Variants in STAM2 observed in about 807,000 individuals in gnomAD.
STAM2 encodes signal transducing adaptor molecule 2, also known as signal transducing adapter molecule 2.
STAM2 carries 51 observed loss-of-function variants against 65.6 expected under a neutral mutation model. The ratio of observed to expected loss-of-function variants is 0.78; its 90% CI spans 0.62 to 0.98. The LOEUF is 0.98. Among genes scored for constraint, STAM2 ranks in the 50% least tolerant of loss-of-function variants. The probability of loss-of-function intolerance (pLI) is 0.00; values close to 1 mark genes in which losing one functional copy is unlikely to be tolerated. For missense variants in STAM2, 584 were observed against 617.8 expected (o/e 0.95, Z 0.58); for synonymous variants, 198 against 208.4 (o/e 0.95, Z 0.43).
intron 1 of STAM2, among the ~76,000 whole-genome samples, chr2:152,151,479 C>G (rs966618149): frequency 6.6e-6 from 1 of 152,156 alleles, no homozygotes; most frequent in African/African-American, 2.4e-5. Flanking sequence ...CCACCGCACC[C>G]AGCTACATGA....
At position 152,159,839 on chromosome 2, in the gene STAM2, C is replaced by G. The variant is rs1051898036; in HGVS notation, c.41-9610G>C. Among the ~76,000 whole-genome samples, 5 of 152,372 alleles carry G rather than the reference C, an allele frequency of 3.3e-5. 1 individual carries two copies. Among genetic ancestry groups the G allele is most frequent in the African/African-American group, 9.6e-5 (4 of 41,588 alleles). ...ACTGCAACCTCCCTGCCTCATTCTCCTGCCTCAGCCTGCCCAGTGCCTGCG... is the reference window on the plus strand; with the variant it reads ...ACTGCAACCTCCCTGCCTCATTCTCGTGCCTCAGCCTGCCCAGTGCCTGCG... On this transcript the variant is annotated intron_variant, in intron 1 of 13. Coordinates refer to ENST00000263904, the MANE Select transcript of STAM2 (RefSeq NM_005843.6).
chr2:152,152,005 T>C (rs949160778), intron 1 of STAM2, among the ~76,000 whole-genome samples: 2 of 152,118 alleles, frequency 1.3e-5, no homozygotes, highest in African/African-American at 4.8e-5. Flanking sequence ...AGTGGTGTGA[T>C]CACAACTCAC....
intron 1 of STAM2, among the ~76,000 whole-genome samples, chr2:152,172,196 G>C (rs1351701856): frequency 6.6e-6 from 1 of 152,072 alleles, no homozygotes; most frequent in Non-Finnish European, 1.5e-5. Flanking sequence ...ACAAAAAAAT[G>C]AATCTAGATA....
rs570397392 is a variant in STAM2, at chr2:152,165,989, G to A, written c.40+9614C>T. On this transcript the variant is annotated intron_variant, in intron 1 of 13. Coordinates refer to ENST00000263904, the MANE Select transcript of STAM2 (RefSeq NM_005843.6). ...AGGTCAAGGCGGGCGGATTACATAA[G>A]GCCAGGAGTTGCAGACCAGCCTGGC... Among the ~76,000 whole-genome samples, 103 of 152,228 alleles carry A rather than the reference G, an allele frequency of 6.8e-4. 1 individual carries two copies. In the Middle Eastern group the frequency reaches 0.014, roughly 20 times the overall value.
At chr2:152,165,259 A>G (rs1689755540) in intron 1 of STAM2, among the ~76,000 whole-genome samples, 1 of 151,342 alleles carries the variant, frequency 6.6e-6, no homozygotes, top group South Asian at 2.1e-4. Flanking sequence ...CCTCGTCTCT[A>G]TTAAAAAAAA....
intron 2 of STAM2, among the ~76,000 whole-genome samples, chr2:152,149,736 G>A (rs2105550667): frequency 1.3e-5 from 2 of 152,240 alleles, no homozygotes; most frequent in Middle Eastern, 6.8e-3. Context: ...GACCTCAAGT[G>A]ATCTGCTCGC....
At chr2:152,156,830 T>C (rs1007297297) in intron 1 of STAM2, among the ~76,000 whole-genome samples, 1 of 152,116 alleles carries the variant, frequency 6.6e-6, no homozygotes, top group Non-Finnish European at 1.5e-5. Flanking sequence ...AAGAAAACTT[T>C]AAAGCTCCTC....
In STAM2 at chr2:152,118,482, A is replaced by G. The variant is rs1342108345; in HGVS notation, c.*2092T>C. On this transcript the variant is annotated 3_prime_UTR_variant, in exon 14 of 14. Transcript: ENST00000263904. ...TATATGTGTCATGTTTTATTATTCT[A>G]AAACTACATTATTTATAATGGCTGA... is the stretch of plus-strand genomic sequence containing the variant. The G allele has an allele frequency of 6.7e-6, 1 of 149,590 alleles. No individual in the cohort carries two copies. Among genetic ancestry groups the G allele is most frequent in the African/African-American group, 2.5e-5 (1 of 40,804 alleles). 9.3% of individuals were successfully genotyped at this position (149,590 alleles called of 1,614,324 possible).
intron 12 of STAM2, chr2:152,124,642 A>G (rs1310610715): frequency 6.6e-6 from 1 of 152,262 alleles, no homozygotes; most frequent in East Asian, 1.9e-4. Context: ...CATACATTTA[A>G]TATCATATCA....
At chr2:152,147,925 ACTT>A in intron 4 of STAM2, 96 bp downstream of exon 4, 1 of 893,312 alleles carries the variant, frequency 1.1e-6, no homozygotes, top group Admixed American at 2.6e-5. Flanking sequence ...TCTAAAAATG[ACTT>A]CATTTATAAT....
chr2:152,159,753 T>C (rs1167544893), intron 1 of STAM2, among the ~76,000 whole-genome samples: 1 of 152,190 alleles, frequency 6.6e-6, no homozygotes, highest in Non-Finnish European at 1.5e-5. Flanking sequence ...TCTCCCTCTC[T>C]TTCCACGGTC....
At chr2:152,150,375 C>T in intron 1 of STAM2, 146 bp from the exon 2 acceptor site, 2 of 525,364 alleles carry the variant, frequency 3.8e-6, no homozygotes. Context: ...AGTACTTCTA[C>T]TAACTTCAAT....
Position 152,150,192 on chromosome 2 carries a change from C to T in STAM2, c.78G>A (p.Trp26Ter), listed in dbSNP as rs369747558. Residue 26 changes from tryptophan (W) to a stop codon, truncating the protein, a stop_gained, in exon 2 of 14, where the codon TGG becomes TGA. Transcript: ENST00000263904. LOFTEE classifies it high-confidence loss of function. ...TGTCACATATGTCCATAATAAGACT[C>T]CAATCTTCTGTAGTGTTGTACTCAT... Reference protein sequence around the residue: ...ATNEYNTTEDWSLIMDICDKV... With the variant: ...ATNEYNTTED 8 of 1,613,446 alleles carry T rather than the reference C, an allele frequency of 5.0e-6. No homozygotes were observed. Among genetic ancestry groups the T allele is most frequent in the Non-Finnish European group, 6.8e-6 (8 of 1,179,686 alleles).
At chr2:152,165,211 G>T (rs184640984) in intron 1 of STAM2, among the ~76,000 whole-genome samples, 58 of 152,082 alleles carry the variant, frequency 3.8e-4, no homozygotes, top group African/African-American at 1.4e-3. Context: ...AGATCATGAG[G>T]TCAGGAGATC....
intron 1 of STAM2, among the ~76,000 whole-genome samples, chr2:152,161,613 C>A (rs910097089): frequency 5.3e-5 from 8 of 151,398 alleles, no homozygotes; most frequent in African/African-American, 1.9e-4. Flanking sequence ...ACCTGATAGA[C>A]TGTAAATAAT....
chr2:152,157,262 C>T (rs1201825836), intron 1 of STAM2, among the ~76,000 whole-genome samples: 1 of 152,178 alleles, frequency 6.6e-6, no homozygotes, highest in African/African-American at 2.4e-5. Context: ...CAGAGATTAC[C>T]TGCTATGGGG....
chr2:152,143,969 T>C lies in STAM2; in HGVS notation c.562A>G (p.Thr188Ala), dbSNP rs1366820042. 6.2e-7 allele frequency: 1 copy of C among 1,613,510 alleles called. No homozygotes were observed. The highest frequency in any genetic ancestry group is 1.3e-5 in the African/African-American group (1 of 75,032). ...LQEQKQQHTETKSLYPSSEIQ... is the reference protein window; with the variant it reads ...LQEQKQQHTEAKSLYPSSEIQ... ...TCTGAAGATGGATATAAGGATTTTGTTTCTGTGTGTTGCTGTTTCTGTTCT... is the reference window on the plus strand; with the variant it reads ...TCTGAAGATGGATATAAGGATTTTGCTTCTGTGTGTTGCTGTTTCTGTTCT... The change falls in exon 7 of 14, where the codon ACA (threonine) becomes GCA (alanine). Residue 188 changes from threonine to alanine, a missense_variant. Thr to Ala is a moderately conservative substitution (Grantham distance 58, BLOSUM62 0). Transcript: ENST00000263904.
rs1689310553 is a variant in STAM2, at chr2:152,144,880, T to C, written c.517+8A>G. 6.2e-7 allele frequency: 1 copy of C among 1,612,354 alleles called. No homozygotes were observed. The highest frequency in any genetic ancestry group is 1.3e-5 in the African/African-American group (1 of 74,894). ...GCAACACTAAATTACATGTGCTTGA[T>C]CATTTACCTTTAGCTATGTCTTCAT... On this transcript the variant is annotated splice_region_variant and intron_variant, in intron 6 of 13. Coordinates refer to ENST00000263904, the MANE Select transcript of STAM2 (RefSeq NM_005843.6).
At chr2:152,132,245 G>A (rs1271724749) in intron 10 of STAM2, 77 bp from the exon 11 acceptor site, 88 of 1,039,110 alleles carry the variant, frequency 8.5e-5, no homozygotes, top group Non-Finnish European at 1.2e-4. Flanking sequence ...TAACAATATA[G>A]CACCAATATA....
Sources: allele counts gnomAD v4.1 joint callset (sites outside exome capture counted in the v4.1 genomes callset), GRCh38; gene constraint gnomAD v4.1.1; transcripts MANE v1.5; gene names NCBI Gene and HGNC (gene_info 2026-07-23, HGNC 2026-07-21).